Variants in PDE5A observed in about 807,000 individuals in gnomAD.
The protein encoded by PDE5A is cGMP-specific 3',5'-cyclic phosphodiesterase.
A neutral mutation model predicts 110.2 loss-of-function variants in PDE5A; 67 were observed. That is an observed-to-expected ratio of 0.61 (90% CI 0.50 to 0.75). PDE5A has a LOEUF of 0.75. Ranked by LOEUF, PDE5A falls within the 30% of genes least tolerant of loss-of-function variation. The probability of loss-of-function intolerance (pLI) is 0.00; values close to 1 mark genes in which losing one functional copy is unlikely to be tolerated. For synonymous variants in PDE5A, 328 were observed against 351.2 expected (o/e 0.93, Z 0.74); for missense variants, 862 against 1,045.1 (o/e 0.82, Z 2.42).
intron 3 of PDE5A, among the ~76,000 whole-genome samples, chr4:119,595,794 T>C (rs1171747513): frequency 6.6e-6 from 1 of 152,196 alleles, no homozygotes; most frequent in African/African-American, 2.4e-5. Context: ...CTAATTTCCA[T>C]AAATAAATCC....
chr4:119,523,120 G>A (rs1246602463), intron 12 of PDE5A, among the ~76,000 whole-genome samples: 1 of 152,030 alleles, frequency 6.6e-6, no homozygotes, highest in Non-Finnish European at 1.5e-5. Flanking sequence ...TCAAGCCTAG[G>A]GTTCTCTTAC....
rs1726970599 is a variant in PDE5A, at chr4:119,542,552, T to C, written c.1479A>G (p.Glu493=). Residue 493 remains glutamate, a synonymous_variant, in exon 10 of 21, where the codon GAA becomes GAG. Transcript: ENST00000354960. ...PFNRNDEQFL[E]AFVIFCGLGI... The stretch of plus-strand genomic sequence containing the variant: ...CCAAGCCACAAAAGATGACAAAAGC[T>C]TCCAGAAACTGTTCGTCATTTCGGT... The C allele has an allele frequency of 6.2e-7, 1 of 1,614,062 alleles. No individual in the cohort carries two copies. Among genetic ancestry groups the C allele is most frequent in the Non-Finnish European group, 8.5e-7 (1 of 1,179,950 alleles).
chr4:119,600,457 T>G (rs1317704061), intron 2 of PDE5A, among the ~76,000 whole-genome samples: 1 of 152,112 alleles, frequency 6.6e-6, no homozygotes, highest in African/African-American at 2.4e-5. Flanking sequence ...AATCTTGGTT[T>G]CTTAATACCA....
chr4:119,626,726 A>C (rs996685121), intron 1 of PDE5A, among the ~76,000 whole-genome samples: 3 of 151,958 alleles, frequency 2.0e-5, no homozygotes, highest in African/African-American at 7.3e-5. Context: ...CTCGCAAAAA[A>C]GTGCCCTTTC....
intron 10 of PDE5A, among the ~76,000 whole-genome samples, chr4:119,541,065 G>T (rs1019885364): frequency 6.6e-6 from 1 of 152,084 alleles, no homozygotes; most frequent in Non-Finnish European, 1.5e-5. Flanking sequence ...AGTGGGAGGG[G>T]AAGGGAAGTG....
chr4:119,556,611 G>A (rs1047634703), intron 7 of PDE5A, among the ~76,000 whole-genome samples: 11 of 152,160 alleles, frequency 7.2e-5, no homozygotes, highest in Admixed American at 2.0e-4. Flanking sequence ...AAGTGATACG[G>A]TGTAACAATG....
Position 119,606,974 on chromosome 4 carries a change from A to G in PDE5A, c.476T>C (p.Ile159Thr), listed in dbSNP as rs1467282505. The change falls in exon 2 of 21, where the codon ATT (isoleucine) becomes ACT (threonine). Residue 159 changes from isoleucine (I) to threonine (T), a missense_variant. Coordinates refer to ENST00000354960, the MANE Select transcript of PDE5A (RefSeq NM_001083.4). ...GGCTGTGACATCCAAATGACTAGAA[A>G]TATCCTTCACTAATTCCAAGAGTCT... ...CSRLLELVKD[I>T]SSHLDVTALC... The G allele has an allele frequency of 6.2e-7, 1 of 1,614,074 alleles. No homozygotes were observed. Among genetic ancestry groups the G allele is most frequent in the Non-Finnish European group, 8.5e-7 (1 of 1,180,038 alleles).
rs928179345 is a variant in PDE5A, at chr4:119,546,337, T to C, written c.1397-3703A>G. On this transcript the variant is annotated intron_variant, in intron 9 of 20. Coordinates refer to ENST00000354960, the MANE Select transcript of PDE5A (RefSeq NM_001083.4). ...TTTCTTGGAGATACATAAAATGGTG[T>C]CTTTCATTCAAAAGTATCTTACTTA... Among the ~76,000 whole-genome samples the C allele has an allele frequency of 2.6e-5, 4 of 152,124 alleles. No homozygotes were observed. In the East Asian group the frequency reaches 7.7e-4, roughly 29 times the overall value.
At chr4:119,544,441 CA>C (rs907142466) in intron 9 of PDE5A, among the ~76,000 whole-genome samples, 1 of 152,062 alleles carries the variant, frequency 6.6e-6, no homozygotes, top group African/African-American at 2.4e-5. Context: ...CTGTGTGTGG[CA>C]AAAAACAAGA....
intron 1 of PDE5A, among the ~76,000 whole-genome samples, chr4:119,622,106 G>A (rs113834805): frequency 4.6e-5 from 7 of 151,832 alleles, no homozygotes; most frequent in Admixed American, 6.6e-5. Flanking sequence ...CCCGGGAAGC[G>A]GAGCTTGTGG....
At position 119,501,895 on chromosome 4, in the gene PDE5A, C is replaced by G. The variant is rs1413806295; in HGVS notation, c.2407-642G>C. 2.0e-5 allele frequency among the ~76,000 whole-genome samples: 3 copies of G among 152,112 alleles called. No homozygotes were observed. In the East Asian group the frequency reaches 5.8e-4, roughly 29 times the overall value. ...TGAAGAATGAGGTTTGGCGGTTTAT[C>G]TATTCCCTTGGTGTAATGTTTGCAG... is the stretch of plus-strand genomic sequence containing the variant. On this transcript the variant is annotated intron_variant, in intron 19 of 20. Transcript: ENST00000354960.
intron 3 of PDE5A, among the ~76,000 whole-genome samples, chr4:119,570,485 A>G (rs62319609): frequency 0.14 from 21,948 of 152,072 alleles, 1,766 homozygotes; most frequent in Middle Eastern, 0.2. Context: ...TCTGTTTTCT[A>G]TTTTACTGGC....
At chr4:119,605,213 C>T (rs1729484494) in intron 2 of PDE5A, among the ~76,000 whole-genome samples, 1 of 152,150 alleles carries the variant, frequency 6.6e-6, no homozygotes, top group African/African-American at 2.4e-5. Flanking sequence ...TGTCCAGATT[C>T]TTATCCACAC....
intron 18 of PDE5A, among the ~76,000 whole-genome samples, chr4:119,503,674 T>TTAAG (rs1235819954): frequency 6.6e-6 from 1 of 152,146 alleles, no homozygotes; most frequent in African/African-American, 2.4e-5. Context: ...AGCATTTTCT[T>TTAAG]TAAGTGTCAT....
chr4:119,571,317 A>T (rs1240278899), intron 3 of PDE5A, among the ~76,000 whole-genome samples: 1 of 152,140 alleles, frequency 6.6e-6, no homozygotes, highest in African/African-American at 2.4e-5. Context: ...GGTTTTTGAC[A>T]TGTGATAAAG....
Position 119,528,058 on chromosome 4 carries a change from A to AAT in PDE5A, c.1633-2364_1633-2363insAT, listed in dbSNP as rs1553924646. Reference sequence around the variant, plus strand: ...AATTAACCAAATATGGAATGCAAAAAAAAAATAAAAAAACAAAGCTCATTG... The same window carrying AAT: ...AATTAACCAAATATGGAATGCAAAAAATAAAAATAAAAAAACAAAGCTCATTG... On this transcript the variant is annotated intron_variant, in intron 11 of 20. Coordinates refer to ENST00000354960, the MANE Select transcript of PDE5A (RefSeq NM_001083.4). Among the ~76,000 whole-genome samples, 3 of 151,924 alleles carry AAT rather than the reference A, an allele frequency of 2.0e-5. No individual in the cohort carries two copies. The East Asian group carries it at 5.8e-4, about 29-fold the overall frequency.
rs1302380446 is a variant in PDE5A at position 119,607,284 on chromosome 4, C to T, written c.166G>A (p.Ala56Thr). ...GTGTGAACTCTCTCAGCAAACCATG[C>T]ATTGACCATTTCTCTGCAGAACAGA... ...VRKATREMVN[A>T]WFAERVHTIP... The change falls in exon 2 of 21, where the codon GCA becomes ACA. Residue 56 changes from alanine to threonine, a missense_variant. Physicochemically the swap from Ala to Thr is moderately conservative, Grantham distance 58. Coordinates refer to ENST00000354960, the MANE Select transcript of PDE5A (RefSeq NM_001083.4). The T allele has an allele frequency of 1.2e-6, 2 of 1,608,820 alleles. No homozygotes were observed. The highest frequency in any genetic ancestry group is 2.7e-5 in the African/African-American group (2 of 74,902).
chr4:119,570,251 C>G (rs1728092966), intron 3 of PDE5A, among the ~76,000 whole-genome samples: 1 of 152,156 alleles, frequency 6.6e-6, no homozygotes, highest in African/African-American at 2.4e-5. Flanking sequence ...CAAATTAGAT[C>G]ATTGTCTTTA....
At chr4:119,605,606 T>A (rs374961790) in intron 2 of PDE5A, among the ~76,000 whole-genome samples, 6 of 151,914 alleles carry the variant, frequency 3.9e-5, no homozygotes, top group African/African-American at 1.5e-4. Flanking sequence ...GAGATCGCGT[T>A]ACTGCACTCC....
Sources: allele counts gnomAD v4.1 joint callset (sites outside exome capture counted in the v4.1 genomes callset), GRCh38; gene constraint gnomAD v4.1.1; transcripts MANE v1.5; gene names NCBI Gene and HGNC (gene_info 2026-07-23, HGNC 2026-07-21).